The following CHIC1 variants were observed in gnomAD, a reference collection of about 807,000 sequenced individuals.
CHIC1 encodes cysteine rich hydrophobic domain 1, also known as cysteine-rich hydrophobic domain-containing protein 1.
CHIC1 carries 7 observed loss-of-function variants against 18.5 expected under a neutral mutation model. That is an observed-to-expected ratio of 0.38 (90% CI 0.22 to 0.71). CHIC1 has a LOEUF of 0.71. Ranked by LOEUF, CHIC1 falls within the 30% of genes least tolerant of loss-of-function variation. The pLI is 0.49. For synonymous variants in CHIC1, 77 were observed against 73.5 expected, an observed-to-expected ratio of 1.05 and a Z score of -0.25; for missense variants, 159 against 176.9, an observed-to-expected ratio of 0.90 and a Z score of 0.57.
At chrX:73,680,783 A>G (rs1354355987) in intron 5 of CHIC1, among the ~76,000 whole-genome samples, 172 bp from the exon 6 acceptor site, 1 of 111,131 alleles carries the variant, frequency 9.0e-6, no homozygotes, top group Non-Finnish European at 1.9e-5. Flanking sequence ...CAATCTAATA[A>G]CAACTTGTGG....
At chrX:73,665,937 A>T (rs1393918554) in intron 3 of CHIC1, among the ~76,000 whole-genome samples, 1 of 111,806 alleles carries the variant, frequency 8.9e-6, no homozygotes, top group Non-Finnish European at 1.9e-5. Flanking sequence ...ACTTGTGGGT[A>T]ATTAACATGG....
intron 3 of CHIC1, among the ~76,000 whole-genome samples, chrX:73,665,912 G>A (rs765367738): frequency 1.8e-5 from 2 of 111,732 alleles, no homozygotes; most frequent in Admixed American, 9.5e-5. Context: ...AATGACAAAG[G>A]CTTTGAGTCA....
intron 3 of CHIC1, among the ~76,000 whole-genome samples, chrX:73,632,445 AAATT>A (rs1404827180): frequency 8.9e-6 from 1 of 111,815 alleles, no homozygotes; most frequent in African/African-American, 3.2e-5. Context: ...GTTGACATTT[AAATT>A]AATTATTGGT....
chrX:73,668,238 TA>T (rs1178236582), intron 3 of CHIC1, among the ~76,000 whole-genome samples: 2 of 112,285 alleles, frequency 1.8e-5, no homozygotes, highest in African/African-American at 6.5e-5. Context: ...CTAAACTGGC[TA>T]TTTTGGCTGT....
At chrX:73,577,919 CTG>C (rs1235744457) in intron 2 of CHIC1, among the ~76,000 whole-genome samples, 1 of 109,798 alleles carries the variant, frequency 9.1e-6, no homozygotes, top group African/African-American at 3.3e-5. Context: ...ATTGGACTCA[CTG>C]TAATAAATTC....
At chrX:73,667,627 A>G (rs763061732) in intron 3 of CHIC1, among the ~76,000 whole-genome samples, 8 of 111,557 alleles carry the variant, frequency 7.2e-5, no homozygotes, top group Non-Finnish European at 1.3e-4. Context: ...TTGGCCGGAC[A>G]TGAATTTGGG....
intron 1 of CHIC1, among the ~76,000 whole-genome samples, chrX:73,573,472 T>TGAAGA (rs1473242397): frequency 1.8e-5 from 2 of 111,591 alleles, no homozygotes; most frequent in Non-Finnish European, 3.8e-5. Context: ...TCTAATTCCG[T>TGAAGA]GAAGAATGAT....
chrX:73,589,033 A>G (rs989963428), intron 3 of CHIC1, among the ~76,000 whole-genome samples: 4 of 109,105 alleles, frequency 3.7e-5, no homozygotes, highest in Non-Finnish European at 7.7e-5. Context: ...TCTATTCTGT[A>G]TTTCATTTCT....
At chrX:73,660,294 C>G (rs952152980) in intron 3 of CHIC1, among the ~76,000 whole-genome samples, 1 of 111,780 alleles carries the variant, frequency 8.9e-6, no homozygotes, top group African/African-American at 3.3e-5. Context: ...TACCTGGCAC[C>G]TTAGTCCAAT....
intron 1 of CHIC1, among the ~76,000 whole-genome samples, chrX:73,569,410 G>A (rs765268045): frequency 5.6e-4 from 62 of 111,413 alleles, no homozygotes; most frequent in Non-Finnish European, 9.8e-4. Context: ...AAAAATGTGG[G>A]CGTTGAAGAC....
At chrX:73,627,586 C>T (rs1162991903) in intron 3 of CHIC1, among the ~76,000 whole-genome samples, 1 of 112,021 alleles carries the variant, frequency 8.9e-6, no homozygotes, top group Non-Finnish European at 1.9e-5. Context: ...TAGCCACTGC[C>T]ACCTCATGCC....
At position 73,643,088 on chromosome X, in the gene CHIC1, G is replaced by A. The variant is rs1444974975; in HGVS notation, c.508-36238G>A. Among the ~76,000 whole-genome samples, 3 of 111,509 alleles carry A rather than the reference G, an allele frequency of 2.7e-5. No homozygotes were observed. The East Asian group carries it at 8.5e-4, about 31-fold the overall frequency. On this transcript the variant is annotated intron_variant, in intron 3 of 5. Coordinates refer to ENST00000373502, the MANE Select transcript of CHIC1 (RefSeq NM_001039840.4). ...GTGGTGACAAAATCTCTCAGCATTT[G>A]CTTGTCTGTAAAGTATTTTATTTCT...
chrX:73,648,658 A>C (rs763411642), intron 3 of CHIC1, among the ~76,000 whole-genome samples: 2 of 111,442 alleles, frequency 1.8e-5, no homozygotes, highest in Non-Finnish European at 3.8e-5. Context: ...CATGCATACA[A>C]AATTAGAGAA....
rs1296988482 is a variant in CHIC1 at position 73,584,429 on chromosome X, G to A, written c.364G>A (p.Glu122Lys). Residue 122 changes from glutamate to lysine, a missense_variant, in exon 3 of 6, where the codon GAA becomes AAA. Physicochemically the swap from Glu to Lys is moderately conservative, Grantham distance 56. Transcript: ENST00000373502. The stretch of plus-strand genomic sequence containing the variant: ...TACCCTCTTGTAGGTGGCCCCAGAA[G>A]AATTTAAAACCAGCATTGGCCGTGT... ...SVLTGKVAPEEFKTSIGRVNA... is the reference protein window; with the variant it reads ...SVLTGKVAPEKFKTSIGRVNA... 8.4e-7 allele frequency: 1 copy of A among 1,184,890 alleles called. No individual in the cohort carries two copies. The highest frequency in any genetic ancestry group is 1.1e-6 in the Non-Finnish European group (1 of 881,883).
chrX:73,630,798 G>A (rs2057803441), intron 3 of CHIC1, among the ~76,000 whole-genome samples: 1 of 112,189 alleles, frequency 8.9e-6, no homozygotes, highest in African/African-American at 3.2e-5. Flanking sequence ...TTTTGGAACA[G>A]TTTGAGAAGG....
intron 2 of CHIC1, among the ~76,000 whole-genome samples, chrX:73,580,773 C>T (rs1264893751): frequency 9.0e-6 from 1 of 110,737 alleles, no homozygotes; most frequent in Non-Finnish European, 1.9e-5. Context: ...AATCAGTCTT[C>T]CAATATGAAT....
Position 73,576,529 on chromosome X carries a change from T to C in CHIC1, c.297-878T>C, listed in dbSNP as rs1029739325. Among the ~76,000 whole-genome samples the C allele has an allele frequency of 3.6e-5, 4 of 110,796 alleles. No homozygotes were observed. In the Admixed American group the frequency reaches 3.8e-4, roughly 11 times the overall value. Reference sequence around the variant, plus strand: ...TCTTTGAAACATGTTATGTAGCATGTGACTATATTTACTTAGCACAGTGTC... The same window carrying C: ...TCTTTGAAACATGTTATGTAGCATGCGACTATATTTACTTAGCACAGTGTC... On this transcript the variant is annotated intron_variant, in intron 1 of 5. Coordinates refer to ENST00000373502, the MANE Select transcript of CHIC1 (RefSeq NM_001039840.4).
chrX:73,575,797 A>G (rs186517611), intron 1 of CHIC1, among the ~76,000 whole-genome samples: 1 of 109,806 alleles, frequency 9.1e-6, no homozygotes, highest in Non-Finnish European at 1.9e-5. Flanking sequence ...TTATTTTCAA[A>G]TGCTATTCTT....
intron 3 of CHIC1, among the ~76,000 whole-genome samples, chrX:73,601,824 T>TA (rs1471592588): frequency 9.5e-6 from 1 of 105,184 alleles, no homozygotes; most frequent in Non-Finnish European, 1.9e-5. Context: ...GCCAGACTAA[T>TA]AAAAAAGAAA....
Sources: allele counts gnomAD v4.1 joint callset (sites outside exome capture counted in the v4.1 genomes callset), GRCh38; gene constraint gnomAD v4.1.1; transcripts MANE v1.5; gene names NCBI Gene and HGNC (gene_info 2026-07-23, HGNC 2026-07-21).